HPSE2: variants seen among roughly 807,000 people sequenced by gnomAD.
The protein encoded by HPSE2 is heparanase 2 (inactive).
Under a neutral mutation model 60.5 loss-of-function variants are expected in HPSE2, and 38 were observed. The ratio of observed to expected loss-of-function variants is 0.63; its 90% CI spans 0.48 to 0.82. The LOEUF is 0.82. Among genes scored for constraint, HPSE2 ranks in the 40% least tolerant of loss-of-function variants. The probability of loss-of-function intolerance (pLI) is 0.00; values close to 1 mark genes in which losing one functional copy is unlikely to be tolerated. For missense variants in HPSE2, 713 were observed against 740.4 expected, an observed-to-expected ratio of 0.96 and a Z score of 0.43; for synonymous variants, 295 against 293.2, an observed-to-expected ratio of 1.01 and a Z score of -0.06.
intron 2 of HPSE2, among the ~76,000 whole-genome samples, chr10:99,145,219 G>T (rs1384804313): frequency 2.6e-5 from 4 of 152,186 alleles, no homozygotes; most frequent in African/African-American, 4.8e-5. Context: ...CACTTTGGGA[G>T]GCCAAGGCGG....
chr10:99,179,632 T>G (rs1299391453), intron 2 of HPSE2, among the ~76,000 whole-genome samples: 1 of 152,074 alleles, frequency 6.6e-6, no homozygotes, highest in African/African-American at 2.4e-5. Flanking sequence ...TGGAAAAACA[T>G]TCCATGCTTA....
intron 3 of HPSE2, among the ~76,000 whole-genome samples, chr10:98,755,614 C>A (rs1001609347): frequency 6.6e-6 from 1 of 152,142 alleles, no homozygotes; most frequent in Non-Finnish European, 1.5e-5. Flanking sequence ...AAGACATGCT[C>A]GGTCATAAAA....
chr10:99,197,400 T>C (rs1848438234), intron 2 of HPSE2, among the ~76,000 whole-genome samples: 1 of 152,180 alleles, frequency 6.6e-6, no homozygotes, highest in South Asian at 2.1e-4. Flanking sequence ...GGATAAATGC[T>C]TGAGGGGATG....
intron 2 of HPSE2, among the ~76,000 whole-genome samples, chr10:99,145,129 C>T (rs756755641): frequency 6.6e-6 from 1 of 152,110 alleles, no homozygotes; most frequent in Admixed American, 6.5e-5. Flanking sequence ...GATATAGTCT[C>T]CAGAAAACAG....
intron 9 of HPSE2, among the ~76,000 whole-genome samples, chr10:98,614,295 T>A (rs1252812050): frequency 1.2e-5 from 1 of 84,880 alleles, no homozygotes; most frequent in East Asian, 3.4e-4. Flanking sequence ...AGGATTGTTT[T>A]GTTTTTTTTT....
At position 99,133,179 on chromosome 10, in the gene HPSE2, G is replaced by C. The variant is rs553346454; in HGVS notation, c.610+11059C>G. On this transcript the variant is annotated intron_variant, in intron 3 of 11. Transcript: ENST00000370552. ...CAGCTCAGCATGGTTGCTGTGGCCA[G>C]ACTGCCAGATTTCCCTTCTCTGGGC... Among the ~76,000 whole-genome samples, 401 of 152,360 alleles carry C rather than the reference G, an allele frequency of 2.6e-3. 2 individuals are homozygous for C. Among genetic ancestry groups the C allele is most frequent in the Admixed American group, 0.015 (232 of 15,308 alleles).
In HPSE2 at chr10:98,939,697, C is replaced by T. The variant is rs1376129611; in HGVS notation, c.611-195641G>A. Among the ~76,000 whole-genome samples the T allele has an allele frequency of 2.8e-5, 4 of 143,298 alleles. 1 individual carries two copies. Among genetic ancestry groups the T allele is most frequent in the African/African-American group, 5.7e-5 (2 of 35,054 alleles). The allele number at this position is 143,298 out of a possible 152,430, so 94.0% of individuals were successfully genotyped here. A position where few individuals can be genotyped will look rare whatever the true frequency, so the allele number is the denominator to read the frequency against. On this transcript the variant is annotated intron_variant, in intron 3 of 11. Coordinates refer to ENST00000370552, the MANE Select transcript of HPSE2 (RefSeq NM_021828.5). ...ACGAGACAGAAAGTTAACAAGGATA[C>T]CCAGGAACTGAACTCAGCTCTGCAC...
At chr10:99,020,893 A>C (rs1321826667) in intron 3 of HPSE2, among the ~76,000 whole-genome samples, 2 of 152,216 alleles carry the variant, frequency 1.3e-5, no homozygotes, top group African/African-American at 2.4e-5. Flanking sequence ...TTACAGGGCC[A>C]GGGAACACAC....
chr10:98,999,156 C>CGT (rs55879808), intron 3 of HPSE2, among the ~76,000 whole-genome samples: 23,399 of 137,438 alleles, frequency 0.17, 1,951 homozygotes, highest in African/African-American at 0.24. Flanking sequence ...GTATAGACTA[C>CGT]GTGTGTGTGT....
At chr10:98,609,083 C>T (rs1243193336) in intron 9 of HPSE2, among the ~76,000 whole-genome samples, 1 of 152,180 alleles carries the variant, frequency 6.6e-6, no homozygotes, top group Non-Finnish European at 1.5e-5. Context: ...CCCCAGACCC[C>T]AAACTCTTCT....
At chr10:99,309,107 T>C in the HPSE2 span, among the ~76,000 whole-genome samples, 3 of 152,164 alleles carry the variant, frequency 2.0e-5, no homozygotes, top group African/African-American at 7.2e-5. Flanking sequence ...ACTCCATCTA[T>C]ATGAAATGTC....
intron 6 of HPSE2, among the ~76,000 whole-genome samples, chr10:98,660,346 G>T (rs1227558353): frequency 6.6e-6 from 1 of 152,132 alleles, no homozygotes; most frequent in Non-Finnish European, 1.5e-5. Flanking sequence ...TTTAGAACTG[G>T]AAGGGACTAC....
At chr10:99,121,222 A>T (rs1466920269) in intron 3 of HPSE2, among the ~76,000 whole-genome samples, 3 of 152,196 alleles carry the variant, frequency 2.0e-5, no homozygotes, top group African/African-American at 7.2e-5. Context: ...GCTCTCACTT[A>T]CAAGTGGGAG....
At chr10:98,597,892 A>G (rs1051304154) in intron 9 of HPSE2, among the ~76,000 whole-genome samples, 6 of 142,094 alleles carry the variant, frequency 4.2e-5, no homozygotes, top group African/African-American at 1.6e-4. Context: ...AATTGCTTCA[A>G]CCCAGGAGGT....
chr10:99,305,979 G>GCGCGCGCGCGCACACACA, the HPSE2 span, among the ~76,000 whole-genome samples: 21 of 80,582 alleles, frequency 2.6e-4, no homozygotes, highest in South Asian at 5.8e-4. Context: ...GCGCGCGCGC[G>GCGCGCGCGCGCACACACA]CACACACACA....
At chr10:98,840,447 A>G (rs1285427793) in intron 3 of HPSE2, among the ~76,000 whole-genome samples, 2 of 152,230 alleles carry the variant, frequency 1.3e-5, no homozygotes, top group Non-Finnish European at 2.9e-5. Flanking sequence ...ATGATAGGCT[A>G]GAAGCAGAGA....
rs1421902809 is a variant in HPSE2, at chr10:98,459,166, C to T, written c.*408G>A. 2 of 247,374 alleles carry T rather than the reference C, an allele frequency of 8.1e-6. No individual in the cohort carries two copies. Among genetic ancestry groups the T allele is most frequent in the Non-Finnish European group, 1.6e-5 (2 of 124,598 alleles). 15.3% of individuals were successfully genotyped at this position (247,374 alleles called of 1,614,324 possible). ...GGTCCACCCAGTTTTTTTCCTTCCT[C>T]ATCTTCCTCTGAGGGCAGCAGCAGC... On this transcript the variant is annotated 3_prime_UTR_variant, in exon 12 of 12. Transcript: ENST00000370552.
At chr10:99,297,854 G>A in the HPSE2 span, among the ~76,000 whole-genome samples, 1 of 152,114 alleles carries the variant, frequency 6.6e-6, no homozygotes, top group Non-Finnish European at 1.5e-5. Flanking sequence ...CAGATGCTTT[G>A]GGGTATTTGG....
chr10:98,796,530 C>A (rs374725157), intron 3 of HPSE2, among the ~76,000 whole-genome samples: 11 of 152,186 alleles, frequency 7.2e-5, no homozygotes, highest in African/African-American at 2.7e-4. Flanking sequence ...AGGTAAATTT[C>A]TAAAGTTTTT....
Sources: allele counts gnomAD v4.1 joint callset (sites outside exome capture counted in the v4.1 genomes callset), GRCh38; gene constraint gnomAD v4.1.1; transcripts MANE v1.5; gene names NCBI Gene and HGNC (gene_info 2026-07-23, HGNC 2026-07-21).